Variants in PGCKA1 observed in about 807,000 individuals in gnomAD.
PGCKA1 encodes the protein PDCD10 and GCKIII kinases-associated protein 1.
At chr4:37,499,885 T>C in the PGCKA1 span, among the ~76,000 whole-genome samples, 1 of 151,610 alleles carries the variant, frequency 6.6e-6, no homozygotes, top group East Asian at 1.9e-4. Flanking sequence ...CTTTCAGTTG[T>C]GATGTTAAGT....
At chr4:37,533,166 C>A in the PGCKA1 span, among the ~76,000 whole-genome samples, 1 of 151,314 alleles carries the variant, frequency 6.6e-6, no homozygotes, top group East Asian at 1.9e-4. Flanking sequence ...AAAATAGTAT[C>A]TATTTCCAAG....
At chr4:37,564,284 AAAAAAAG>A in the PGCKA1 span, among the ~76,000 whole-genome samples, 3 of 140,868 alleles carry the variant, frequency 2.1e-5, no homozygotes, top group Admixed American at 1.5e-4. Flanking sequence ...CAAAAAAAAA[AAAAAAAG>A]AAAGAAAAAA....
At chr4:37,513,378 A>G in the PGCKA1 span, among the ~76,000 whole-genome samples, 6 of 152,198 alleles carry the variant, frequency 3.9e-5, no homozygotes, top group East Asian at 1.2e-3. Context: ...CTGGAAGGTG[A>G]GAAGACCAAG....
the PGCKA1 span, among the ~76,000 whole-genome samples, chr4:37,510,404 A>G: frequency 2.0e-5 from 3 of 152,206 alleles, no homozygotes; most frequent in African/African-American, 7.2e-5. Context: ...GACCTAATCC[A>G]TATCTGCATT....
the PGCKA1 span, chr4:37,590,578 G>C: frequency 6.2e-7 from 1 of 1,614,168 alleles, no homozygotes; most frequent in South Asian, 1.1e-5. Context: ...TTTTGCCTTG[G>C]AAGTACAAGA....
chr4:37,552,677 C>A, the PGCKA1 span, among the ~76,000 whole-genome samples: 1 of 152,170 alleles, frequency 6.6e-6, no homozygotes, highest in South Asian at 2.1e-4. Context: ...CACCACACGC[C>A]AGGCTTTTTT....
At chr4:37,547,421 CAAAG>C in the PGCKA1 span, among the ~76,000 whole-genome samples, 1 of 151,960 alleles carries the variant, frequency 6.6e-6, no homozygotes, top group Non-Finnish European at 1.5e-5. Context: ...TATTTTGTCT[CAAAG>C]AAGCATAGGT....
At chr4:37,474,462 G>C in the PGCKA1 span, among the ~76,000 whole-genome samples, 1 of 152,138 alleles carries the variant, frequency 6.6e-6, no homozygotes, top group Non-Finnish European at 1.5e-5. Flanking sequence ...GACCCCCTCA[G>C]TGCCTACTAC....
At chr4:37,478,705 C>G in the PGCKA1 span, among the ~76,000 whole-genome samples, 2 of 152,150 alleles carry the variant, frequency 1.3e-5, no homozygotes, top group African/African-American at 2.4e-5. Flanking sequence ...TGCTGTTGTC[C>G]ATAGGGAATC....
the PGCKA1 span, among the ~76,000 whole-genome samples, chr4:37,502,387 T>C: frequency 2.6e-5 from 4 of 152,154 alleles, no homozygotes; most frequent in African/African-American, 9.7e-5. Context: ...CTGGTGGTAG[T>C]GTTAGCACGT....
chr4:37,484,307 A>T, the PGCKA1 span, among the ~76,000 whole-genome samples: 8 of 152,192 alleles, frequency 5.3e-5, no homozygotes, highest in African/African-American at 1.9e-4. Context: ...GCAAAGAGAG[A>T]GAATGAGAAC....
the PGCKA1 span, among the ~76,000 whole-genome samples, chr4:37,483,484 T>G: frequency 1.3e-5 from 2 of 152,148 alleles, no homozygotes; most frequent in Non-Finnish European, 2.9e-5. Flanking sequence ...GGTGGTCCAG[T>G]GTCATGAAGA....
At chr4:37,574,156 C>T in the PGCKA1 span, among the ~76,000 whole-genome samples, 1 of 151,868 alleles carries the variant, frequency 6.6e-6, no homozygotes, top group South Asian at 2.1e-4. Flanking sequence ...CCACTATACT[C>T]CAGCCTGGGT....
At chr4:37,556,830 T>C in the PGCKA1 span, among the ~76,000 whole-genome samples, 1 of 152,216 alleles carries the variant, frequency 6.6e-6, no homozygotes, top group Non-Finnish European at 1.5e-5. Context: ...CCTTATCAAG[T>C]AATATTTAAA....
the PGCKA1 span, among the ~76,000 whole-genome samples, chr4:37,526,457 A>T: frequency 6.6e-6 from 1 of 152,218 alleles, no homozygotes; most frequent in Non-Finnish European, 1.5e-5. Flanking sequence ...AGTGATGGAA[A>T]TGGTATATTT....
the PGCKA1 span, among the ~76,000 whole-genome samples, chr4:37,574,527 G>C: frequency 6.6e-6 from 1 of 151,994 alleles, no homozygotes; most frequent in Non-Finnish European, 1.5e-5. Context: ...TTTGATACAG[G>C]CTTGCAATGC....
the PGCKA1 span, among the ~76,000 whole-genome samples, chr4:37,488,777 C>T: frequency 5.1e-3 from 770 of 152,250 alleles, 6 homozygotes; most frequent in African/African-American, 0.017. Flanking sequence ...CGCTTTCCTC[C>T]GTCTTTAACC....
At chr4:37,522,087 A>C in the PGCKA1 span, among the ~76,000 whole-genome samples, 1 of 151,968 alleles carries the variant, frequency 6.6e-6, no homozygotes, top group African/African-American at 2.4e-5. Flanking sequence ...TGGCTCCTGC[A>C]TATGTTCACT....
the PGCKA1 span, chr4:37,590,333 A>T: frequency 1.1e-4 from 174 of 1,613,576 alleles, 1 homozygote; most frequent in African/African-American, 2.1e-3. Flanking sequence ...GGAGGGGAAC[A>T]CCATGCCTGC....
Sources: gnomAD v4.1 joint callset for allele counts (sites outside exome capture counted in the v4.1 genomes callset) on GRCh38, gnomAD v4.1.1 for gene constraint, MANE v1.5 for transcripts, NCBI Gene and HGNC (gene_info 2026-07-23, HGNC 2026-07-21) for gene names.